Variants in DMAP1 observed in about 807,000 individuals in gnomAD.
DMAP1 encodes DNA methyltransferase 1-associated protein 1.
In DMAP1, 26 loss-of-function variants were observed where a neutral mutation model predicts 52.7. The ratio of observed to expected loss-of-function variants is 0.49; its 90% CI spans 0.36 to 0.68. The LOEUF is 0.68. Ranked by LOEUF, DMAP1 falls within the 30% of genes least tolerant of loss-of-function variation. The pLI, the probability that DMAP1 is intolerant of heterozygous loss-of-function variation, is 0.00. For missense variants in DMAP1, 439 were observed against 625.2 expected, an observed-to-expected ratio of 0.70 and a Z score of 3.18; for synonymous variants, 231 against 246.0, an observed-to-expected ratio of 0.94 and a Z score of 0.57.
At chr1:44,215,698 C>G (rs746794969) in intron 3 of DMAP1, 1 of 202,148 alleles carries the variant, frequency 4.9e-6, no homozygotes, top group East Asian at 1.3e-4. Context: ...AGTGATACAT[C>G]TATTTATTGA....
rs548182052 is a variant in DMAP1, at chr1:44,214,718, G to A, written c.213G>A (p.Leu71=). ...LYSDKKDAPP[L]LPSDTGQGYR... is the part of the protein sequence containing the mutation. ...TCCCTGCCAGGGATGCACCCCCACTGCTACCCAGTGACACTGGCCAGGGAT... is the reference window on the plus strand; with the variant it reads ...TCCCTGCCAGGGATGCACCCCCACTACTACCCAGTGACACTGGCCAGGGAT... The change falls in exon 3 of 10, where the codon CTG becomes CTA. Residue 71 remains leucine (L), a synonymous_variant. Transcript: ENST00000372289. The A allele has an allele frequency of 1.2e-6, 2 of 1,611,718 alleles. No individual in the cohort carries two copies. The highest frequency in any genetic ancestry group is 4.5e-5 in the East Asian group (2 of 44,794).
At chr1:44,215,302 A>T (rs767815412) in intron 3 of DMAP1, 1 of 457,940 alleles carries the variant, frequency 2.2e-6, no homozygotes, top group South Asian at 1.5e-5. Flanking sequence ...TCAATGCCCC[A>T]CAGGTACCTT....
chr1:44,217,876 G>A (rs1405316622), intron 3 of DMAP1: 2 of 260,286 alleles, frequency 7.7e-6, no homozygotes, highest in Admixed American at 8.9e-5. Flanking sequence ...CAAACTCTGG[G>A]GGAGTGGCAA....
In DMAP1 at chr1:44,213,476, G is replaced by C; in HGVS notation, c.-278G>C. The C allele has an allele frequency of 2.6e-6, 1 of 382,250 alleles. No individual in the cohort carries two copies. Among genetic ancestry groups the C allele is most frequent in the Non-Finnish European group, 4.8e-6 (1 of 208,520 alleles). The allele number at this position is 382,250 out of a possible 1,614,324, so 23.7% of individuals were successfully genotyped here. On this transcript the variant is annotated 5_prime_UTR_variant, in exon 1 of 10. Transcript: ENST00000372289. This position sits in a 1 kb window ranked among gnomAD's most constrained non-coding sequence, Gnocchi z 4.5. The stretch of plus-strand genomic sequence containing the variant: ...GAGCACCGCCGGAAGTTTCTGCCGC[G>C]GCTTTGCGGGGACGGGGGAGTGGTA...
At position 44,214,715 on chromosome 1, in the gene DMAP1, A is replaced by T; in HGVS notation, c.210A>T (p.Pro70=). 6.2e-7 allele frequency: 1 copy of T among 1,610,876 alleles called. No homozygotes were observed. Among genetic ancestry groups the T allele is most frequent in the South Asian group, 1.1e-5 (1 of 91,036 alleles). Residue 70 remains proline (P), a synonymous_variant, in exon 3 of 10, where the codon CCA becomes CCT. Transcript: ENST00000372289. ...ACCTCCCTGCCAGGGATGCACCCCC[A>T]CTGCTACCCAGTGACACTGGCCAGG... The part of the protein sequence containing the change: ...LLYSDKKDAP[P]LLPSDTGQGY...
chr1:44,220,504 G>A (rs2154314485), intron 9 of DMAP1, 55 bp from the exon 10 acceptor site: 3 of 1,614,150 alleles, frequency 1.9e-6, no homozygotes, highest in Non-Finnish European at 2.5e-6. Flanking sequence ...CATGCACTAA[G>A]CCTGACTCAG....
rs921702625 is a variant in DMAP1, at chr1:44,213,740, A to C, written c.-14A>C. 8.3e-6 allele frequency: 13 copies of C among 1,565,546 alleles called. No individual in the cohort carries two copies. The African/African-American group carries it at 1.6e-4, about 20-fold the overall frequency. The stretch of plus-strand genomic sequence containing the variant: ...ACCCTTGACCTCCGGTGGCTCCCCC[A>C]TCTCTCAGGCGCGATGGCTACGGGC... On this transcript the variant is annotated 5_prime_UTR_variant, in exon 1 of 10. Coordinates refer to ENST00000372289, the MANE Select transcript of DMAP1 (RefSeq NM_019100.5). The surrounding 1 kb of genome is among the most constrained non-coding windows in gnomAD (Gnocchi z 4.5).
chr1:44,215,375 C>T (rs1643770204), intron 3 of DMAP1: 3 of 455,518 alleles, frequency 6.6e-6, no homozygotes, highest in Non-Finnish European at 1.3e-5. Flanking sequence ...AAATCTGTTC[C>T]CCATCTCAGT....
rs918179867 is a variant in DMAP1, at chr1:44,214,271, G to C, written c.106-79G>C. 3.0e-6 allele frequency: 4 copies of C among 1,354,604 alleles called. No individual in the cohort carries two copies. The African/African-American group carries it at 5.7e-5, about 19-fold the overall frequency. 83.9% of individuals were successfully genotyped at this position (1,354,604 alleles called of 1,614,324 possible). A position where few individuals can be genotyped will look rare whatever the true frequency, so the allele number is the denominator to read the frequency against. ...TCATTGACCCTGTAGGTGCTGCTTT[G>C]TTCAGGGATTGAGCTGGACTAAAGA... On this transcript the variant is annotated intron_variant, in intron 1 of 9. Coordinates refer to ENST00000372289, the MANE Select transcript of DMAP1 (RefSeq NM_019100.5).
chr1:44,214,247 C>A, intron 1 of DMAP1, 103 bp from the exon 2 acceptor site: 2 of 1,094,226 alleles, frequency 1.8e-6, no homozygotes, highest in Non-Finnish European at 2.8e-6. Flanking sequence ...GTTTGCCTGT[C>A]ATTGACCCTG....
rs376669575 is a variant in DMAP1 at position 44,213,622 on chromosome 1, C to T, written c.-132C>T. ...GATCCCCGACCTGACCTGGACCACC[C>T]TTCTCCTCTTGGCCCGCCCCTTCAA... On this transcript the variant is annotated 5_prime_UTR_variant, in exon 1 of 10. Coordinates refer to ENST00000372289, the MANE Select transcript of DMAP1 (RefSeq NM_019100.5). This position sits in a 1 kb window ranked among gnomAD's most constrained non-coding sequence, Gnocchi z 4.5. 1.6e-5 allele frequency: 12 copies of T among 757,688 alleles called. No individual in the cohort carries two copies. The highest frequency in any genetic ancestry group is 7.0e-5 in the African/African-American group (4 of 57,172). 46.9% of individuals were successfully genotyped at this position (757,688 alleles called of 1,614,324 possible). A position where few individuals can be genotyped will look rare whatever the true frequency, so the allele number is the denominator to read the frequency against.
rs11210975 is a variant in DMAP1, at chr1:44,214,889, G to A, written c.384G>A (p.Arg128=). 303 of 1,614,160 alleles carry A rather than the reference G, an allele frequency of 1.9e-4. No homozygotes were observed. The African/African-American group carries it at 3.7e-3, about 20-fold the overall frequency. Reference sequence around the variant, plus strand: ...AGGGCAAGGACTACCCCTTTGCCAGGTTCAATAAGGTAAGCTACCTTCATT... The same window carrying A: ...AGGGCAAGGACTACCCCTTTGCCAGATTCAATAAGGTAAGCTACCTTCATT... ...AEEGKDYPFA[R]FNKTVQVPVY... Residue 128 remains arginine, a synonymous_variant, in exon 3 of 10, where the codon AGG becomes AGA. Coordinates refer to ENST00000372289, the MANE Select transcript of DMAP1 (RefSeq NM_019100.5).
chr1:44,220,297 C>G lies in DMAP1; in HGVS notation c.1332C>G (p.Leu444=). The change falls in exon 9 of 10, where the codon CTC becomes CTG. Residue 444 remains leucine (L), a synonymous_variant. Coordinates refer to ENST00000372289, the MANE Select transcript of DMAP1 (RefSeq NM_019100.5). The part of the protein sequence containing the change: ...DTIIDVVGAP[L]TPNSRKRRES... Reference sequence around the variant, plus strand: ...TCATTGATGTGGTGGGCGCACCCCTCACGCCCAATTCGGTAAGAGTCTGGA... The same window carrying G: ...TCATTGATGTGGTGGGCGCACCCCTGACGCCCAATTCGGTAAGAGTCTGGA... 6.5e-7 allele frequency: 1 copy of G among 1,546,396 alleles called. No individual in the cohort carries two copies. Among genetic ancestry groups the G allele is most frequent in the Non-Finnish European group, 8.8e-7 (1 of 1,142,814 alleles).
In DMAP1 at chr1:44,214,366, C is replaced by T; in HGVS notation, c.122C>T (p.Ser41Phe). The T allele has an allele frequency of 1.2e-6, 2 of 1,614,020 alleles. No homozygotes were observed. The highest frequency in any genetic ancestry group is 1.7e-6 in the Non-Finnish European group (2 of 1,179,988). ...CTTCCTCAGAAAAAATCCAAGAAGT[C>T]CTCTGAGACACTGACTTTCAAGAGG... is the stretch of plus-strand genomic sequence containing the variant. ...INPDKKKSKK[S>F]SETLTFKRPE... Residue 41 changes from serine to phenylalanine, a missense_variant, in exon 2 of 10, where the codon TCC (serine) becomes TTC (phenylalanine). Transcript: ENST00000372289.
chr1:44,215,262 C>T (rs1053664438), intron 3 of DMAP1: 6 of 470,126 alleles, frequency 1.3e-5, no homozygotes, highest in South Asian at 6.2e-5. Flanking sequence ...GTGCTTCCTT[C>T]GCATCCAGTC....
In DMAP1 at chr1:44,214,459, A is replaced by C; in HGVS notation, c.197+18A>C. 1 of 1,613,926 alleles carries C rather than the reference A, an allele frequency of 6.2e-7. No individual in the cohort carries two copies. The highest frequency in any genetic ancestry group is 8.5e-7 in the Non-Finnish European group (1 of 1,179,866). ...GACAAGAAGCAAGTATTGGAGTCCC[A>C]AGTCCCCCAGGTTTTGGCCCCTGAT... On this transcript the variant is annotated intron_variant, in intron 2 of 9. Transcript: ENST00000372289.
At position 44,213,710 on chromosome 1, in the gene DMAP1, C is replaced by A. The variant is rs1254544124; in HGVS notation, c.-44C>A. Reference sequence around the variant, plus strand: ...GACCTGAGCCTGGTCCTTCTTCAGGCACTGACCCTTGACCTCCGGTGGCTC... The same window carrying A: ...GACCTGAGCCTGGTCCTTCTTCAGGAACTGACCCTTGACCTCCGGTGGCTC... On this transcript the variant is annotated 5_prime_UTR_variant, in exon 1 of 10. Coordinates refer to ENST00000372289, the MANE Select transcript of DMAP1 (RefSeq NM_019100.5). This position sits in a 1 kb window ranked among gnomAD's most constrained non-coding sequence, Gnocchi z 4.5. 6.5e-7 allele frequency: 1 copy of A among 1,536,116 alleles called. No homozygotes were observed. Among genetic ancestry groups the A allele is most frequent in the East Asian group, 2.4e-5 (1 of 40,898 alleles).
Position 44,220,196 on chromosome 1 carries a change from G to A in DMAP1, c.1231G>A (p.Ala411Thr). Residue 411 changes from alanine (A) to threonine (T), a missense_variant, in exon 9 of 10, where the codon GCA becomes ACA. By Grantham distance (58) the Ala-to-Thr change is moderately conservative (BLOSUM62 0). Coordinates refer to ENST00000372289, the MANE Select transcript of DMAP1 (RefSeq NM_019100.5). Reference sequence around the variant, plus strand: ...TGTGCTAGGGGGCCCTGCCACACCAGCATCAGGCCCAGGCCCGGCCTCTGC... The same window carrying A: ...TGTGCTAGGGGGCCCTGCCACACCAACATCAGGCCCAGGCCCGGCCTCTGC... ...AGVLGGPATP[A>T]SGPGPASAEP... The A allele has an allele frequency of 1.2e-6, 2 of 1,601,978 alleles. No homozygotes were observed. The highest frequency in any genetic ancestry group is 8.5e-7 in the Non-Finnish European group (1 of 1,170,820).
At position 44,218,651 on chromosome 1, in the gene DMAP1, C is replaced by T. The variant is rs1410462270; in HGVS notation, c.616C>T (p.Arg206Trp). Residue 206 changes from arginine to tryptophan, a missense_variant, in exon 5 of 10, where the codon CGG (arginine) becomes TGG (tryptophan). Arg to Trp is a moderately radical substitution (Grantham distance 101). Around this residue, in one of 3 missense-constraint regions of DMAP1, gnomAD observed 142 missense variants for 149.5 expected, o/e 0.95. Transcript: ENST00000372289. This position sits in a 1 kb window ranked among gnomAD's most constrained non-coding sequence, Gnocchi z 5.6. ...YHICAKLANV[R>W]AVPGTDLKIP... ...CATCTGTGCTAAGCTTGCCAACGTGCGGGCTGTGCCAGGCACAGACCTTAA... is the reference window on the plus strand; with the variant it reads ...CATCTGTGCTAAGCTTGCCAACGTGTGGGCTGTGCCAGGCACAGACCTTAA... 13 of 1,613,816 alleles carry T rather than the reference C, an allele frequency of 8.1e-6. No homozygotes were observed. The highest frequency in any genetic ancestry group is 1.7e-5 in the Admixed American group (1 of 59,988).
Sources: gnomAD v4.1 joint callset for allele counts on GRCh38, gnomAD v4.1.1 for gene constraint, gnomAD v4.1.1 regional missense constraint, Gnocchi (gnomAD v3.1) non-coding constraint, MANE v1.5 for transcripts, NCBI Gene and HGNC (gene_info 2026-07-23, HGNC 2026-07-21) for gene names.